MYO5A: variants seen among roughly 807,000 people sequenced by gnomAD.
MYO5A encodes the protein myosin VA, also known as unconventional myosin-Va.
Under a neutral mutation model 249.7 loss-of-function variants are expected in MYO5A, and 98 were observed. The observed-to-expected ratio is 0.39, with a 90% CI of 0.33 to 0.46. The LOEUF (loss-of-function observed/expected upper bound fraction) is 0.46, where lower values mean the gene tolerates loss of function less well. MYO5A is among the 20% of genes least tolerant of loss of function. The probability of loss-of-function intolerance (pLI) is 0.98; values close to 1 mark genes in which losing one functional copy is unlikely to be tolerated. For synonymous variants in MYO5A, 778 were observed against 810.6 expected (o/e 0.96, Z 0.68); for missense variants, 1,696 against 2,308.8 (o/e 0.73, Z 5.44).
chr15:52,318,456 CAAAAAAA>C (rs35901511), intron 39 of MYO5A, among the ~76,000 whole-genome samples: 4 of 87,530 alleles, frequency 4.6e-5, no homozygotes, highest in African/African-American at 8.3e-5. Context: ...AACTCCATCT[CAAAAAAA>C]AAAAAAAAAA....
rs752042344 is a variant in MYO5A at position 52,379,688 on chromosome 15, C to A, written c.2145G>T (p.Lys715Asn). 3 of 1,614,074 alleles carry A rather than the reference C, an allele frequency of 1.9e-6. No individual in the cohort carries two copies. The highest frequency in any genetic ancestry group is 2.5e-6 in the Non-Finnish European group (3 of 1,180,036). Residue 715 changes from lysine (K) to asparagine (N), a missense_variant, in exon 18 of 42, where the codon AAG becomes AAT. Transcript: ENST00000399233. ...TTCTGTCACTCAGCACATCTTTCTG[C>A]TTCATTAGGACACGGTAGCGGCTGA... Reference protein sequence around the residue: ...EFFSRYRVLMKQKDVLSDRKQ... With the variant: ...EFFSRYRVLMNQKDVLSDRKQ...
chr15:52,504,667 C>G (rs1385766843), intron 1 of MYO5A, among the ~76,000 whole-genome samples: 1 of 151,974 alleles, frequency 6.6e-6, no homozygotes, highest in Admixed American at 6.6e-5. Flanking sequence ...TTTGGGAGAC[C>G]AAGGCGGGTG....
intron 12 of MYO5A, among the ~76,000 whole-genome samples, chr15:52,390,405 A>C (rs535271118): frequency 6.6e-6 from 1 of 152,268 alleles, no homozygotes; most frequent in Non-Finnish European, 1.5e-5. Flanking sequence ...ACCCACAAAA[A>C]TTAAAAATTA....
chr15:52,458,067 G>A (rs1341339240), intron 1 of MYO5A, among the ~76,000 whole-genome samples: 2 of 152,196 alleles, frequency 1.3e-5, no homozygotes, highest in Non-Finnish European at 2.9e-5. Context: ...TCTCACGGAG[G>A]TAAAGAGTAA....
At chr15:52,413,906 A>ATATTCT (rs1451207655) in intron 5 of MYO5A, among the ~76,000 whole-genome samples, 1 of 152,164 alleles carries the variant, frequency 6.6e-6, no homozygotes, top group African/African-American at 2.4e-5. Flanking sequence ...CAAGCAGGGC[A>ATATTCT]TATTCTTTAT....
intron 1 of MYO5A, among the ~76,000 whole-genome samples, chr15:52,455,303 T>G (rs2076095996): frequency 6.6e-6 from 1 of 151,944 alleles, no homozygotes; most frequent in Admixed American, 6.5e-5. Context: ...TAATAAGTAA[T>G]AAGATCAGAG....
At chr15:52,486,144 C>G (rs1001207743) in intron 1 of MYO5A, among the ~76,000 whole-genome samples, 1 of 152,146 alleles carries the variant, frequency 6.6e-6, no homozygotes, top group African/African-American at 2.4e-5. Flanking sequence ...AAGCGAGGTT[C>G]TGCGTTAAGC....
At chr15:52,396,494 A>G (rs1009026666) in intron 10 of MYO5A, 97 bp from the exon 11 acceptor site, 27 of 703,956 alleles carry the variant, frequency 3.8e-5, no homozygotes, top group African/African-American at 3.8e-4. Context: ...GAAGTGGGAC[A>G]TTCCCCAACA....
chr15:52,343,315 T>C, intron 30 of MYO5A, 118 bp from the exon 31 acceptor site: 2 of 869,684 alleles, frequency 2.3e-6, no homozygotes, highest in Non-Finnish European at 3.8e-6. Flanking sequence ...TTTTTATTCA[T>C]TATGACAACT....
At chr15:52,431,614 T>C (rs1430694959) in intron 2 of MYO5A, among the ~76,000 whole-genome samples, 1 of 149,150 alleles carries the variant, frequency 6.7e-6, no homozygotes, top group Non-Finnish European at 1.5e-5. Flanking sequence ...TCCTCCAATA[T>C]AAGGTAACAG....
intron 2 of MYO5A, among the ~76,000 whole-genome samples, chr15:52,431,165 G>C (rs1199859706): frequency 7.0e-6 from 1 of 142,632 alleles, no homozygotes; most frequent in Non-Finnish European, 1.5e-5. Flanking sequence ...CCGGGAGGTG[G>C]AGGCTGCAGT....
intron 36 of MYO5A, among the ~76,000 whole-genome samples, chr15:52,326,869 G>T (rs959566119): frequency 2.6e-5 from 4 of 152,142 alleles, no homozygotes; most frequent in Admixed American, 1.3e-4. Flanking sequence ...TATGATCTTA[G>T]CTCCTCACAG....
At chr15:52,494,531 C>T (rs542966587) in intron 1 of MYO5A, among the ~76,000 whole-genome samples, 1 of 152,258 alleles carries the variant, frequency 6.6e-6, no homozygotes, top group African/African-American at 2.4e-5. Flanking sequence ...TTTGCTCTAT[C>T]GCCCGGTCAG....
rs555807980 is a variant in MYO5A, at chr15:52,501,056, G to A, written c.27+27724C>T. The stretch of plus-strand genomic sequence containing the variant: ...AAGATCTTGGCTCGCTGCAAGCTCC[G>A]CCTCCCGGGTTCACGCCATTCTCCT... On this transcript the variant is annotated intron_variant, in intron 1 of 41. Transcript: ENST00000399233. Among the ~76,000 whole-genome samples the A allele has an allele frequency of 1.6e-4, 24 of 151,710 alleles. No homozygotes were observed. The East Asian group carries it at 4.1e-3, about 26-fold the overall frequency.
In MYO5A at chr15:52,372,337, G is replaced by T. The variant is rs1336501020; in HGVS notation, c.2604C>A (p.Ile868=). Residue 868 remains isoleucine (I), a synonymous_variant, in exon 21 of 42, where the codon ATC becomes ATA. Coordinates refer to ENST00000399233, the MANE Select transcript of MYO5A (RefSeq NM_001382347.1). ...RKILREHKAV[I]IQKRVRGWLA... is the part of the protein sequence containing the mutation. ...GCCAGCCCCGGACTCGCTTCTGAATGATGACTGCTTTGTGCTCACGGAGTA... is the reference window on the plus strand; with the variant it reads ...GCCAGCCCCGGACTCGCTTCTGAATTATGACTGCTTTGTGCTCACGGAGTA... 6.2e-7 allele frequency: 1 copy of T among 1,604,286 alleles called. No homozygotes were observed. Among genetic ancestry groups the T allele is most frequent in the Admixed American group, 1.7e-5 (1 of 60,006 alleles).
intron 41 of MYO5A, 123 bp from the exon 42 acceptor site, chr15:52,313,971 C>G: frequency 2.9e-6 from 4 of 1,387,972 alleles, no homozygotes; most frequent in Non-Finnish European, 4.0e-6. Flanking sequence ...TTGTTTTAAA[C>G]TCACTTCATT....
At chr15:52,411,462 T>A (rs2043243417) in intron 5 of MYO5A, among the ~76,000 whole-genome samples, 1 of 152,080 alleles carries the variant, frequency 6.6e-6, no homozygotes, top group African/African-American at 2.4e-5. Flanking sequence ...ATGTTTTATA[T>A]AACCTTAAAA....
intron 1 of MYO5A, among the ~76,000 whole-genome samples, chr15:52,526,784 C>T (rs12437893): frequency 0.59 from 89,173 of 152,010 alleles, 27,984 homozygotes; most frequent in Admixed American, 0.67. Context: ...CAAATCACAA[C>T]ATCTTTTCAA....
At chr15:52,351,881 T>A (rs1160673919) in intron 27 of MYO5A, among the ~76,000 whole-genome samples, 1 of 152,192 alleles carries the variant, frequency 6.6e-6, no homozygotes, top group Non-Finnish European at 1.5e-5. Flanking sequence ...CAATGAATGA[T>A]TCAGATGGGT....
Sources: gnomAD v4.1 joint callset for allele counts (sites outside exome capture counted in the v4.1 genomes callset) on GRCh38, gnomAD v4.1.1 for gene constraint, MANE v1.5 for transcripts, NCBI Gene and HGNC (gene_info 2026-07-23, HGNC 2026-07-21) for gene names.